Variants in KIAA1549 observed in about 807,000 individuals in gnomAD.
KIAA1549 encodes KIAA1549.
Under a neutral mutation model 156.4 loss-of-function variants are expected in KIAA1549, and 70 were observed. The ratio of observed to expected loss-of-function variants is 0.45; its 90% CI spans 0.37 to 0.55. KIAA1549 has a LOEUF of 0.55. Ranked by LOEUF, KIAA1549 falls within the 20% of genes least tolerant of loss-of-function variation. KIAA1549 has a pLI of 0.00. For synonymous variants in KIAA1549, 1,103 were observed against 1,066.4 expected, an observed-to-expected ratio of 1.03 and a Z score of -0.67; for missense variants, 2,428 against 2,540.9, an observed-to-expected ratio of 0.96 and a Z score of 0.96.
chr7:138,859,929 C>A (rs1810504869), intron 16 of KIAA1549, among the ~76,000 whole-genome samples: 1 of 152,226 alleles, frequency 6.6e-6, no homozygotes, highest in Non-Finnish European at 1.5e-5. Flanking sequence ...CTTTAGACTT[C>A]CACAGAGATG....
chr7:138,968,859 CAAAAAAAAAAAA>C (rs75576327), intron 1 of KIAA1549, among the ~76,000 whole-genome samples: 1 of 66,480 alleles, frequency 1.5e-5, no homozygotes, highest in African/African-American at 5.1e-5. Context: ...GACTCCGTCT[CAAAAAAAAAAAA>C]AAAAAAAAAC....
chr7:138,959,930 G>C (rs1813787562), intron 1 of KIAA1549, among the ~76,000 whole-genome samples: 2 of 152,228 alleles, frequency 1.3e-5, no homozygotes, highest in African/African-American at 2.4e-5. Context: ...CCCAGGACTG[G>C]AGAGCAAAAG....
At chr7:138,884,024 C>G (rs1811321053) in intron 10 of KIAA1549, among the ~76,000 whole-genome samples, 1 of 152,190 alleles carries the variant, frequency 6.6e-6, no homozygotes, top group Non-Finnish European at 1.5e-5. Context: ...GGGCATTCAG[C>G]CCCACCCCCC....
rs1202119793 is a variant in KIAA1549 at position 138,835,582 on chromosome 7, G to A, written c.*2324C>T. ...GCCCTGAGCGGAACTGGGTGAGAAGGGGCCATTTATCCCGTTTGCTGTCAC... is the reference window on the plus strand; with the variant it reads ...GCCCTGAGCGGAACTGGGTGAGAAGAGGCCATTTATCCCGTTTGCTGTCAC... On this transcript the variant is annotated 3_prime_UTR_variant, in exon 20 of 20. Coordinates refer to ENST00000422774, the MANE Select transcript of KIAA1549 (RefSeq NM_001164665.2). 1.3e-5 allele frequency: 3 copies of A among 224,260 alleles called. No homozygotes were observed. Among genetic ancestry groups the A allele is most frequent in the African/African-American group, 6.7e-5 (3 of 44,768 alleles). The allele number at this position is 224,260 out of a possible 1,614,324, so 13.9% of individuals were successfully genotyped here. A position where few individuals can be genotyped will look rare whatever the true frequency, so the allele number is the denominator to read the frequency against.
chr7:138,899,511 C>T (rs185177769), intron 8 of KIAA1549, among the ~76,000 whole-genome samples: 3 of 152,236 alleles, frequency 2.0e-5, no homozygotes, highest in Admixed American at 2.0e-4. Context: ...TAGGTACATC[C>T]CTGGTTCTCT....
At chr7:138,848,573 T>C (rs773087011) in intron 17 of KIAA1549, among the ~76,000 whole-genome samples, 7 of 152,190 alleles carry the variant, frequency 4.6e-5, no homozygotes, top group Non-Finnish European at 8.8e-5. Flanking sequence ...CTCACTGATA[T>C]TTAGTTTCAA....
intron 5 of KIAA1549, 144 bp downstream of exon 5, chr7:138,908,847 C>G (rs997622160): frequency 1.0e-6 from 1 of 953,774 alleles, no homozygotes; most frequent in African/African-American, 1.6e-5. Flanking sequence ...CGACCTTACG[C>G]CACAGGAATA....
Position 138,837,552 on chromosome 7 carries a change from T to C in KIAA1549, c.*354A>G, listed in dbSNP as rs1809754625. 2 of 377,308 alleles carry C rather than the reference T, an allele frequency of 5.3e-6. No homozygotes were observed. The highest frequency in any genetic ancestry group is 4.7e-6 in the Non-Finnish European group (1 of 211,646). 23.4% of individuals were successfully genotyped at this position (377,308 alleles called of 1,614,324 possible). A position where few individuals can be genotyped will look rare whatever the true frequency, so the allele number is the denominator to read the frequency against. On this transcript the variant is annotated 3_prime_UTR_variant, in exon 20 of 20. Coordinates refer to ENST00000422774, the MANE Select transcript of KIAA1549 (RefSeq NM_001164665.2). Reference sequence around the variant, plus strand: ...GTCTCAATCCCACAGAAACGCTTGGTTCCTTTCATCCCTATGCTGTCTATA... The same window carrying C: ...GTCTCAATCCCACAGAAACGCTTGGCTCCTTTCATCCCTATGCTGTCTATA...
chr7:138,938,818 C>T (rs1813091462), intron 1 of KIAA1549, among the ~76,000 whole-genome samples: 2 of 152,266 alleles, frequency 1.3e-5, no homozygotes, highest in South Asian at 2.1e-4. Context: ...GAGGCTGAGG[C>T]GGGTGCATTA....
rs555764778 is a variant in KIAA1549, at chr7:138,871,198, G to A, written c.4510C>T (p.Pro1504Ser). The change falls in exon 13 of 20, where the codon CCA (proline) becomes TCA (serine). Residue 1504 changes from proline (P) to serine (S), a missense_variant. Coordinates refer to ENST00000422774, the MANE Select transcript of KIAA1549 (RefSeq NM_001164665.2). ...TTGCTTTCCGCCACTCGGTCGGCTG[G>A]GGAGGGGCGCTGGACGGGAGGTGCC... ...IPAPPVQRPSPADRVAESNKI... is the reference protein window; with the variant it reads ...IPAPPVQRPSSADRVAESNKI... 7 of 1,613,314 alleles carry A rather than the reference G, an allele frequency of 4.3e-6. No individual in the cohort carries two copies. The Admixed American group carries it at 1.0e-4, about 23-fold the overall frequency.
At chr7:138,874,494 C>A (rs548243011) in intron 12 of KIAA1549, among the ~76,000 whole-genome samples, 1 of 152,252 alleles carries the variant, frequency 6.6e-6, no homozygotes, top group Non-Finnish European at 1.5e-5. Flanking sequence ...CATTTAGCCA[C>A]AAGAAAGAAG....
At position 138,918,284 on chromosome 7, in the gene KIAA1549, C is replaced by T. The variant is rs1366396878; in HGVS notation, c.1342G>A (p.Ala448Thr). The T allele has an allele frequency of 1.2e-6, 2 of 1,614,006 alleles. No homozygotes were observed. The highest frequency in any genetic ancestry group is 1.7e-6 in the Non-Finnish European group (2 of 1,179,898). Residue 448 changes from alanine to threonine, a missense_variant, in exon 2 of 20, where the codon GCC becomes ACC. This residue lies in a region of KIAA1549 where 893 missense variants were observed against 847.9 expected (regional missense o/e 1.05). Coordinates refer to ENST00000422774, the MANE Select transcript of KIAA1549 (RefSeq NM_001164665.2). The surrounding 1 kb of genome is among the most constrained non-coding windows in gnomAD (Gnocchi z 4.2). ...AGCACGGTCATGCACAGAGTCTCGG[C>T]ACCATCCCCTGATCCCACGTCTTTC... ...MEKDVGSGDG[A>T]ETLCMTVLEE... is the part of the protein sequence containing the mutation.
intron 17 of KIAA1549, among the ~76,000 whole-genome samples, chr7:138,844,870 G>A (rs1281121179): frequency 6.6e-6 from 1 of 151,126 alleles, no homozygotes; most frequent in East Asian, 1.9e-4. Flanking sequence ...CCAACACAGC[G>A]GTAATTTTTT....
intron 10 of KIAA1549, among the ~76,000 whole-genome samples, chr7:138,884,354 C>G (rs373660180): frequency 2.0e-5 from 3 of 152,114 alleles, no homozygotes; most frequent in Non-Finnish European, 4.4e-5. Context: ...AACAGGCCCC[C>G]TCTTGGCCAA....
At chr7:138,962,626 G>T (rs964573871) in intron 1 of KIAA1549, among the ~76,000 whole-genome samples, 2 of 152,168 alleles carry the variant, frequency 1.3e-5, no homozygotes, top group African/African-American at 4.8e-5. Flanking sequence ...GTAGGAGGGG[G>T]TGAAACAGCC....
chr7:138,952,637 G>A (rs936935337), intron 1 of KIAA1549, among the ~76,000 whole-genome samples: 1 of 152,210 alleles, frequency 6.6e-6, no homozygotes, highest in African/African-American at 2.4e-5. Flanking sequence ...ACCGCCTAAT[G>A]AGGAATCTTT....
intron 1 of KIAA1549, among the ~76,000 whole-genome samples, chr7:138,925,315 G>A (rs1812681504): frequency 6.6e-6 from 1 of 151,986 alleles, no homozygotes; most frequent in African/African-American, 2.4e-5. Context: ...AGTCAATCAT[G>A]GAATCATGTA....
chr7:138,907,843 C>T (rs750644750), intron 5 of KIAA1549, among the ~76,000 whole-genome samples: 1 of 151,908 alleles, frequency 6.6e-6, no homozygotes, highest in African/African-American at 2.4e-5. Flanking sequence ...CTGTGCACAC[C>T]GAAGAAGGAA....
intron 3 of KIAA1549, among the ~76,000 whole-genome samples, chr7:138,911,737 T>C (rs1812175349): frequency 6.6e-6 from 1 of 152,214 alleles, no homozygotes; most frequent in Non-Finnish European, 1.5e-5. Context: ...ATCTAAAATA[T>C]CATTTCAACA....
Sources: allele counts gnomAD v4.1 joint callset (sites outside exome capture counted in the v4.1 genomes callset), GRCh38; gene constraint gnomAD v4.1.1; regional missense constraint gnomAD v4.1.1; non-coding constraint Gnocchi (gnomAD v3.1); transcripts MANE v1.5; gene names NCBI Gene and HGNC (gene_info 2026-07-23, HGNC 2026-07-21).